The following ARHGEF12 variants were observed in gnomAD, a reference collection of about 807,000 sequenced individuals.
The protein encoded by ARHGEF12 is KMT2A/ARHGEF12 fusion protein.
ARHGEF12 carries 66 observed loss-of-function variants against 211.2 expected under a neutral mutation model. That is an observed-to-expected ratio of 0.31 (90% CI 0.26 to 0.38). ARHGEF12 has a LOEUF of 0.38. Among genes scored for constraint, ARHGEF12 ranks in the 10% least tolerant of loss-of-function variants. The pLI, the probability that ARHGEF12 is intolerant of heterozygous loss-of-function variation, is 1.00. For synonymous variants in ARHGEF12, 592 were observed against 638.4 expected (o/e 0.93, Z 1.09); for missense variants, 1,429 against 1,869.5 (o/e 0.76, Z 4.34).
intron 1 of ARHGEF12, 96 bp from the exon 2 acceptor site, chr11:120,406,022 A>G: frequency 1.1e-6 from 1 of 929,910 alleles, no homozygotes; most frequent in Non-Finnish European, 1.6e-6. Context: ...CATAAGATTT[A>G]AATCTCTTAT....
intron 26 of ARHGEF12, among the ~76,000 whole-genome samples, chr11:120,459,946 G>C (rs1164976533): frequency 6.6e-6 from 1 of 152,154 alleles, no homozygotes; most frequent in Non-Finnish European, 1.5e-5. Flanking sequence ...GACCTCAAGT[G>C]ATCCACCCGC....
chr11:120,408,564 A>G (rs916632389), intron 3 of ARHGEF12: 2 of 152,086 alleles, frequency 1.3e-5, no homozygotes, highest in Non-Finnish European at 2.9e-5. Flanking sequence ...TGTCCCTTTG[A>G]CAAGAGACGA....
chr11:120,357,426 G>A (rs1025532176), intron 1 of ARHGEF12, among the ~76,000 whole-genome samples: 1 of 152,238 alleles, frequency 6.6e-6, no homozygotes, highest in Non-Finnish European at 1.5e-5. Flanking sequence ...ACAGGGCACA[G>A]TGGAGACTGA....
chr11:120,419,873 G>T (rs1024500018), intron 4 of ARHGEF12, among the ~76,000 whole-genome samples: 1 of 152,076 alleles, frequency 6.6e-6, no homozygotes. Flanking sequence ...ATCCTGCAAA[G>T]CTGAAAATAT....
chr11:120,432,735 A>G (rs1945585825), intron 11 of ARHGEF12, among the ~76,000 whole-genome samples: 2 of 152,196 alleles, frequency 1.3e-5, no homozygotes, highest in East Asian at 1.9e-4. Context: ...ACACACATCT[A>G]CTATTTAACA....
chr11:120,481,427 C>G lies in ARHGEF12; in HGVS notation c.4405C>G (p.Pro1469Ala), dbSNP rs773127995. The change falls in exon 39 of 41, where the codon CCA becomes GCA. Residue 1469 changes from proline to alanine, a missense_variant. Pro to Ala is a conservative substitution (Grantham distance 27). Around this residue, in one of 7 missense-constraint regions of ARHGEF12, gnomAD observed 467 missense variants for 468.4 expected, o/e 1.00. Transcript: ENST00000397843. ...QNTHSDGAIS[P>A]FTPEFLVQQR... is the part of the protein sequence containing the mutation. ...TACTCACTCCGATGGGGCAATTTCA[C>G]CATTCACCCCCGAATTTCTGGTCCA... is the stretch of plus-strand genomic sequence containing the variant. The G allele has an allele frequency of 2.5e-6, 4 of 1,614,070 alleles. No homozygotes were observed. In the African/African-American group the frequency reaches 4.0e-5, roughly 16 times the overall value.
At chr11:120,380,546 G>T (rs760625066) in intron 1 of ARHGEF12, among the ~76,000 whole-genome samples, 2 of 152,132 alleles carry the variant, frequency 1.3e-5, no homozygotes, top group Non-Finnish European at 2.9e-5. Context: ...GTTTGCTGCT[G>T]TTGCTCGGTA....
chr11:120,365,517 G>A (rs934747800), intron 1 of ARHGEF12: 3 of 152,114 alleles, frequency 2.0e-5, no homozygotes, highest in African/African-American at 7.2e-5. Context: ...TGAAAGTTTG[G>A]CTCTTAAAAA....
chr11:120,482,091 A>G (rs1947262251), intron 39 of ARHGEF12, among the ~76,000 whole-genome samples: 1 of 152,228 alleles, frequency 6.6e-6, no homozygotes, highest in Non-Finnish European at 1.5e-5. Context: ...TCACAAGAGC[A>G]GAAAAAGTTG....
intron 10 of ARHGEF12, among the ~76,000 whole-genome samples, chr11:120,430,791 G>A (rs988386751): frequency 6.6e-6 from 1 of 152,026 alleles, no homozygotes; most frequent in African/African-American, 2.4e-5. Context: ...GTCTAAACTG[G>A]TTAAATCACC....
intron 25 of ARHGEF12, chr11:120,458,600 G>GA (rs891375158): frequency 8.8e-6 from 2 of 226,472 alleles, no homozygotes; most frequent in Admixed American, 1.1e-4. Flanking sequence ...AACGTGTAAG[G>GA]AAAAAAATTC....
chr11:120,432,862 C>G (rs542471076), intron 11 of ARHGEF12, among the ~76,000 whole-genome samples: 25 of 152,056 alleles, frequency 1.6e-4, no homozygotes, highest in Admixed American at 1.6e-3. Flanking sequence ...AGGCTTAGGC[C>G]CAATGACCCA....
At chr11:120,370,967 C>G (rs1943573309) in intron 1 of ARHGEF12, among the ~76,000 whole-genome samples, 1 of 152,098 alleles carries the variant, frequency 6.6e-6, no homozygotes, top group Non-Finnish European at 1.5e-5. Flanking sequence ...AAATGAGTCC[C>G]CGCTTCGTCC....
chr11:120,387,973 G>A (rs1944090566), intron 1 of ARHGEF12, among the ~76,000 whole-genome samples: 1 of 152,080 alleles, frequency 6.6e-6, no homozygotes, highest in African/African-American at 2.4e-5. Context: ...TATGGTTAGA[G>A]TATAATTTGA....
At chr11:120,468,694 G>A (rs150715569) in intron 29 of ARHGEF12, among the ~76,000 whole-genome samples, 5 of 152,186 alleles carry the variant, frequency 3.3e-5, no homozygotes, top group Admixed American at 1.3e-4. Context: ...CAGGCAGTCC[G>A]CCTGCCTTGG....
In ARHGEF12 at chr11:120,489,723, C is replaced by T. The variant is rs1028637506; in HGVS notation, c.*4646C>T. On this transcript the variant is annotated 3_prime_UTR_variant, in exon 41 of 41. Transcript: ENST00000397843. ...TAGTTTATACCATCTTTTAGTTAAACATTTTAAAGATTAAGACTATTCAAA... is the reference window on the plus strand; with the variant it reads ...TAGTTTATACCATCTTTTAGTTAAATATTTTAAAGATTAAGACTATTCAAA... The T allele has an allele frequency of 5.0e-6, 1 of 200,810 alleles. No homozygotes were observed. The allele number at this position is 200,810 out of a possible 1,614,324, so 12.4% of individuals were successfully genotyped here.
At chr11:120,479,609 C>G (rs1035406961) in intron 37 of ARHGEF12, among the ~76,000 whole-genome samples, 7 of 151,884 alleles carry the variant, frequency 4.6e-5, no homozygotes, top group Non-Finnish European at 7.4e-5. Flanking sequence ...TTAAGAAGTA[C>G]CTTTAGGGTA....
At chr11:120,420,713 TTTCTC>T (rs1945158677) in intron 4 of ARHGEF12, 35 bp from the exon 5 acceptor site, 1 of 1,542,780 alleles carries the variant, frequency 6.5e-7, no homozygotes, top group Non-Finnish European at 9.0e-7. Context: ...CTTTCTCTGT[TTTCTC>T]TTCCTTCTTG....
intron 1 of ARHGEF12, among the ~76,000 whole-genome samples, chr11:120,391,363 T>C (rs1944211666): frequency 6.6e-6 from 1 of 152,210 alleles, no homozygotes; most frequent in Non-Finnish European, 1.5e-5. Flanking sequence ...GTTTCCTTAA[T>C]GGGGAATCTG....
Sources: gnomAD v4.1 joint callset for allele counts (sites outside exome capture counted in the v4.1 genomes callset) on GRCh38, gnomAD v4.1.1 for gene constraint, gnomAD v4.1.1 regional missense constraint, MANE v1.5 for transcripts, NCBI Gene and HGNC (gene_info 2026-07-23, HGNC 2026-07-21) for gene names.